SOX6: variants seen among roughly 807,000 people sequenced by gnomAD.
SOX6 encodes transcription factor SOX-6.
In SOX6, 11 loss-of-function variants were observed where a neutral mutation model predicts 97.8. That is an observed-to-expected ratio of 0.11 (90% CI 0.07 to 0.19). The LOEUF is 0.19. Among genes scored for constraint, SOX6 ranks in the 10% least tolerant of loss-of-function variants. The probability of loss-of-function intolerance (pLI) is 1.00; values close to 1 mark genes in which losing one functional copy is unlikely to be tolerated. For missense variants in SOX6, 810 were observed against 1,039.5 expected (o/e 0.78, Z 3.04); for synonymous variants, 360 against 371.4 (o/e 0.97, Z 0.35).
At chr11:16,670,196 C>T (rs11024012) in intron 3 of SOX6, among the ~76,000 whole-genome samples, 40,683 of 151,990 alleles carry the variant, frequency 0.27, 6,083 homozygotes, top group East Asian at 0.48. Context: ...GCCACTGACA[C>T]AGTAACAGTT....
At chr11:16,086,181 T>C (rs1367445931) in intron 9 of SOX6, among the ~76,000 whole-genome samples, 1 of 152,180 alleles carries the variant, frequency 6.6e-6, no homozygotes, top group East Asian at 1.9e-4. Context: ...AGGTTTATGG[T>C]TCTAAAAAGT....
chr11:16,305,430 G>C (rs557742222), intron 3 of SOX6, among the ~76,000 whole-genome samples: 2 of 152,214 alleles, frequency 1.3e-5, no homozygotes, highest in African/African-American at 4.8e-5. Flanking sequence ...AAGATGCAGA[G>C]ATGCTGGATC....
chr11:16,040,272 T>C (rs1855625612), intron 12 of SOX6, among the ~76,000 whole-genome samples: 1 of 152,040 alleles, frequency 6.6e-6, no homozygotes, highest in Non-Finnish European at 1.5e-5. Context: ...TTTTTCCTGT[T>C]TAAAGTACAG....
At chr11:16,382,344 T>C (rs1215195678) in intron 1 of SOX6, 1 of 152,030 alleles carries the variant, frequency 6.6e-6, no homozygotes, top group Admixed American at 6.6e-5. Context: ...GATATCTTCA[T>C]TGGAAGCGTC....
intron 1 of SOX6, among the ~76,000 whole-genome samples, chr11:16,447,422 T>G (rs543775219): frequency 3.5e-4 from 52 of 147,682 alleles, no homozygotes; most frequent in African/African-American, 1.3e-3. Flanking sequence ...GTGAGAAAAT[T>G]ATTTCTCTCT....
intron 4 of SOX6, among the ~76,000 whole-genome samples, chr11:16,194,704 C>T (rs754684518): frequency 2.0e-5 from 3 of 152,216 alleles, no homozygotes; most frequent in Non-Finnish European, 4.4e-5. Flanking sequence ...CTCTTCCTGG[C>T]TGCAAAAGGA....
At chr11:16,232,798 C>T (rs1343437239) in intron 4 of SOX6, among the ~76,000 whole-genome samples, 3 of 152,162 alleles carry the variant, frequency 2.0e-5, no homozygotes, top group African/African-American at 7.2e-5. Context: ...CACAGAATGA[C>T]GTGCAAAGTA....
chr11:16,125,991 G>C (rs1675406549), intron 6 of SOX6, among the ~76,000 whole-genome samples: 1 of 152,116 alleles, frequency 6.6e-6, no homozygotes, highest in Non-Finnish European at 1.5e-5. Flanking sequence ...TACAAGGAAA[G>C]AAGAAGTGTA....
intron 6 of SOX6, among the ~76,000 whole-genome samples, chr11:16,157,781 T>C (rs1247238376): frequency 6.6e-6 from 1 of 152,058 alleles, no homozygotes; most frequent in African/African-American, 2.4e-5. Context: ...TTCCCTAACA[T>C]GCAATGTTCT....
chr11:16,215,544 T>C (rs1369459002), intron 4 of SOX6, among the ~76,000 whole-genome samples: 2 of 152,186 alleles, frequency 1.3e-5, no homozygotes, highest in Non-Finnish European at 2.9e-5. Context: ...TCATGACTTA[T>C]CTAGGCACCC....
At chr11:16,271,787 TATTA>T (rs1471897334) in intron 3 of SOX6, among the ~76,000 whole-genome samples, 3 of 151,304 alleles carry the variant, frequency 2.0e-5, no homozygotes, top group African/African-American at 4.8e-5. Context: ...TTGTATTACA[TATTA>T]ATTATTTTTA....
Position 16,270,774 on chromosome 11 carries a change from G to A in SOX6, c.446-36103C>T, listed in dbSNP as rs1854233150. Among the ~76,000 whole-genome samples the A allele has an allele frequency of 2.6e-5, 4 of 151,236 alleles. No homozygotes were observed. In the South Asian group the frequency reaches 8.3e-4, roughly 31 times the overall value. On this transcript the variant is annotated intron_variant, in intron 3 of 15. Coordinates refer to ENST00000683767, the MANE Select transcript of SOX6 (RefSeq NM_001367873.1). ...TAGTTGATAAAAGTCATACACAAAA[G>A]GGCAAATATTATATAATTCTACCTA...
chr11:16,192,867 T>C (rs1160659922), intron 4 of SOX6, among the ~76,000 whole-genome samples: 1 of 152,128 alleles, frequency 6.6e-6, no homozygotes, highest in Non-Finnish European at 1.5e-5. Flanking sequence ...AAATCAGTGG[T>C]GCTAGAAATA....
chr11:16,306,437 C>T (rs12420808), intron 3 of SOX6, among the ~76,000 whole-genome samples: 22,915 of 151,628 alleles, frequency 0.15, 1,901 homozygotes, highest in Middle Eastern at 0.2. Flanking sequence ...AGGTATGATC[C>T]GGAAAATGGA....
chr11:16,570,787 T>A (rs1847930493), intron 4 of SOX6, among the ~76,000 whole-genome samples: 1 of 152,228 alleles, frequency 6.6e-6, no homozygotes, highest in South Asian at 2.1e-4. Flanking sequence ...AATATACCTG[T>A]GTTGCTTTTA....
intron 3 of SOX6, among the ~76,000 whole-genome samples, chr11:16,635,466 G>A (rs1345423467): frequency 2.0e-5 from 3 of 152,190 alleles, no homozygotes. Context: ...ATGACTTAGT[G>A]TATCCGGCAG....
chr11:16,121,617 C>T (rs899625549), intron 6 of SOX6, among the ~76,000 whole-genome samples: 2 of 151,920 alleles, frequency 1.3e-5, no homozygotes, highest in African/African-American at 4.8e-5. Context: ...AAAAAGAAAA[C>T]TAAAGTATAG....
At chr11:16,333,532 G>A (rs1466851959) in intron 2 of SOX6, among the ~76,000 whole-genome samples, 13 of 151,790 alleles carry the variant, frequency 8.6e-5, no homozygotes, top group Non-Finnish European at 1.5e-4. Context: ...CTTTAATCAG[G>A]AAATTATTAG....
intron 1 of SOX6, chr11:16,402,671 C>G (rs1449711516): frequency 6.2e-7 from 1 of 1,611,098 alleles, no homozygotes; most frequent in Admixed American, 1.7e-5. Flanking sequence ...CATTTTTCTT[C>G]TTTCCTTCCT....
Sources: allele counts gnomAD v4.1 joint callset (sites outside exome capture counted in the v4.1 genomes callset), GRCh38; gene constraint gnomAD v4.1.1; transcripts MANE v1.5; gene names NCBI Gene and HGNC (gene_info 2026-07-23, HGNC 2026-07-21).